FAM174B: variants seen among roughly 807,000 people sequenced by gnomAD.
FAM174B encodes family with sequence similarity 174 member B.
FAM174B carries 12 observed loss-of-function variants against 10.9 expected under a neutral mutation model. The observed-to-expected ratio is 1.10, with a 90% confidence interval of 0.71 to 1.79. The LOEUF is 1.79. Ranked by LOEUF, FAM174B falls within the 40% of genes most tolerant of loss-of-function variation. The pLI, the probability that FAM174B is intolerant of heterozygous loss-of-function variation, is 0.00. For synonymous variants in FAM174B, 132 were observed against 115.8 expected (o/e 1.14, Z -0.90); for missense variants, 266 against 233.3 (o/e 1.14, Z -0.91).
chr15:92,630,283 AC>A lies in FAM174B; in HGVS notation c.406del (p.Val136TrpfsTer6). 1 of 1,613,134 alleles carries A rather than the reference AC, an allele frequency of 6.2e-7. No individual in the cohort carries two copies. The highest frequency in any genetic ancestry group is 8.5e-7 in the Non-Finnish European group (1 of 1,179,624). ...CTCTTCATTTAGTGGCGCCATTTCC[AC>A]TCGCTCTGCTGGAGTGGTGATGATA... ...YDIITTPAER[V>X]EMAPLNEEDD... is the part of the protein sequence containing the mutation. On this transcript the variant is annotated frameshift_variant, in exon 2 of 3. Transcript: ENST00000327355. LOFTEE classifies it high-confidence loss of function.
chr15:92,642,921 T>C (rs562193083), intron 1 of FAM174B, among the ~76,000 whole-genome samples: 3 of 152,260 alleles, frequency 2.0e-5, no homozygotes, highest in African/African-American at 7.2e-5. Context: ...AAATAAGCTA[T>C]TCACAAAAGA....
intron 2 of FAM174B, among the ~76,000 whole-genome samples, chr15:92,623,822 C>A (rs1436081210): frequency 6.6e-6 from 1 of 152,212 alleles, no homozygotes; most frequent in African/African-American, 2.4e-5. Context: ...CAGGGAAGCC[C>A]CTGGCAGTTC....
chr15:92,644,758 C>T (rs1280112349), intron 1 of FAM174B, among the ~76,000 whole-genome samples: 2 of 152,212 alleles, frequency 1.3e-5, no homozygotes, highest in African/African-American at 4.8e-5. Context: ...AAGTGGTGGA[C>T]AATACTCTGT....
At chr15:92,629,159 G>T (rs1023456047) in intron 2 of FAM174B, among the ~76,000 whole-genome samples, 3 of 152,158 alleles carry the variant, frequency 2.0e-5, no homozygotes, top group African/African-American at 7.2e-5. Flanking sequence ...TGGGATCCGG[G>T]GAGCCAAGAT....
chr15:92,631,091 A>G (rs568883723), intron 1 of FAM174B, among the ~76,000 whole-genome samples: 1 of 57,622 alleles, frequency 1.7e-5, no homozygotes, highest in Non-Finnish European at 3.1e-5. Context: ...TATATATTAT[A>G]TATTACGTAT....
chr15:92,639,264 C>T (rs757062067), intron 1 of FAM174B: 2 of 152,192 alleles, frequency 1.3e-5, no homozygotes, highest in Admixed American at 6.5e-5. Flanking sequence ...CCAGCTCCCG[C>T]GATAACCAAA....
chr15:92,617,756 C>A lies in FAM174B; in HGVS notation c.*1700G>T. On this transcript the variant is annotated 3_prime_UTR_variant, in exon 3 of 3. Transcript: ENST00000327355. ...TACACCGTGGAGAGGAGAGATAAAG[C>A]AGCCACGGCTGTTCTGTTGCCAGTC... 3 of 586,110 alleles carry A rather than the reference C, an allele frequency of 5.1e-6. No homozygotes were observed. The highest frequency in any genetic ancestry group is 3.2e-5 in the East Asian group (1 of 30,828). 36.3% of individuals were successfully genotyped at this position (586,110 alleles called of 1,614,324 possible).
intron 1 of FAM174B, among the ~76,000 whole-genome samples, chr15:92,653,386 A>T (rs911536399): frequency 5.3e-5 from 8 of 150,170 alleles, no homozygotes; most frequent in Admixed American, 3.3e-4. Context: ...AATACCTTCT[A>T]AAAAAAATAC....
chr15:92,617,857 A>AT lies in FAM174B; in HGVS notation c.*1598_*1599insA. On this transcript the variant is annotated 3_prime_UTR_variant, in exon 3 of 3. Transcript: ENST00000327355. ...AGAAGGTGAAATGCAGGGAGCAGAG[A>AT]CTACACGCAGGCCCCCCGTGGCTGG... The AT allele has an allele frequency of 6.4e-6, 3 of 469,262 alleles. No homozygotes were observed. The highest frequency in any genetic ancestry group is 1.1e-5 in the Non-Finnish European group (3 of 267,960). The allele number at this position is 469,262 out of a possible 1,614,324, so 29.1% of individuals were successfully genotyped here.
At chr15:92,642,696 G>A (rs1433608218) in intron 1 of FAM174B, among the ~76,000 whole-genome samples, 1 of 152,302 alleles carries the variant, frequency 6.6e-6, no homozygotes, top group Non-Finnish European at 1.5e-5. Flanking sequence ...TGCCATGCAG[G>A]TTTAACTGTG....
At chr15:92,624,967 G>C (rs1257503547) in intron 2 of FAM174B, among the ~76,000 whole-genome samples, 2 of 152,186 alleles carry the variant, frequency 1.3e-5, no homozygotes, top group Non-Finnish European at 2.9e-5. Flanking sequence ...AAGAGGCCCA[G>C]AGCATCCACA....
intron 1 of FAM174B, among the ~76,000 whole-genome samples, chr15:92,650,312 T>C (rs557436157): frequency 6.6e-6 from 1 of 152,320 alleles, no homozygotes; most frequent in South Asian, 2.1e-4. Flanking sequence ...GGCATAGCAG[T>C]GTGCACCTTT....
chr15:92,638,084 G>T (rs1039464824), intron 1 of FAM174B, among the ~76,000 whole-genome samples: 2 of 152,210 alleles, frequency 1.3e-5, no homozygotes, highest in Non-Finnish European at 2.9e-5. Context: ...TGAAAAGACT[G>T]CTGGCCCATC....
intron 1 of FAM174B, among the ~76,000 whole-genome samples, chr15:92,646,152 C>T (rs2050925826): frequency 6.6e-6 from 1 of 152,164 alleles, no homozygotes; most frequent in South Asian, 2.1e-4. Flanking sequence ...CATCCTGCAC[C>T]CCCCACACCA....
chr15:92,630,442 G>T, intron 1 of FAM174B, 97 bp from the exon 2 acceptor site: 2 of 1,187,764 alleles, frequency 1.7e-6, no homozygotes, highest in Middle Eastern at 2.2e-4. Context: ...TTAGCAGCTG[G>T]TGTTTAGTCA....
At position 92,629,499 on chromosome 15, in the gene FAM174B, G is replaced by T. The variant is rs1335093885; in HGVS notation, c.476+715C>A. Reference sequence around the variant, plus strand: ...GCTACTGACATAAGCGAGGCTGAAAGAGAAGTTTCTGTTTGGGTGCCTGGT... The same window carrying T: ...GCTACTGACATAAGCGAGGCTGAAATAGAAGTTTCTGTTTGGGTGCCTGGT... On this transcript the variant is annotated intron_variant, in intron 2 of 2. Coordinates refer to ENST00000327355, the MANE Select transcript of FAM174B (RefSeq NM_207446.3). Among the ~76,000 whole-genome samples the T allele has an allele frequency of 2.0e-5, 3 of 152,230 alleles. No homozygotes were observed. In the Middle Eastern group the frequency reaches 0.01, roughly 518 times the overall value.
At chr15:92,644,890 C>G (rs140703041) in intron 1 of FAM174B, among the ~76,000 whole-genome samples, 1 of 152,306 alleles carries the variant, frequency 6.6e-6, no homozygotes, top group East Asian at 1.9e-4. Flanking sequence ...CCCCACCTGT[C>G]AAAAGAAGGA....
At chr15:92,646,350 G>A (rs2050927386) in intron 1 of FAM174B, among the ~76,000 whole-genome samples, 1 of 152,192 alleles carries the variant, frequency 6.6e-6, no homozygotes, top group South Asian at 2.1e-4. Context: ...AATGGGAAGG[G>A]TGAGGCGGAC....
intron 2 of FAM174B, among the ~76,000 whole-genome samples, chr15:92,626,885 C>T (rs1305945276): frequency 6.6e-6 from 1 of 151,866 alleles, no homozygotes; most frequent in Non-Finnish European, 1.5e-5. Flanking sequence ...ACCCCGTCAC[C>T]ACTAAAAATA....
Sources: allele counts gnomAD v4.1 joint callset (sites outside exome capture counted in the v4.1 genomes callset), GRCh38; gene constraint gnomAD v4.1.1; transcripts MANE v1.5; gene names NCBI Gene and HGNC (gene_info 2026-07-23, HGNC 2026-07-21).